The following DDX17 variants were observed in gnomAD, a reference collection of about 807,000 sequenced individuals.
DDX17 encodes probable ATP-dependent RNA helicase DDX17.
Under a neutral mutation model 80.8 loss-of-function variants are expected in DDX17, and 10 were observed. The observed-to-expected ratio is 0.12, with a 90% confidence interval of 0.08 to 0.21. The LOEUF is 0.21. DDX17 is among the 10% of genes least tolerant of loss of function. The pLI, the probability that DDX17 is intolerant of heterozygous loss-of-function variation, is 1.00. For missense variants in DDX17, 586 were observed against 957.4 expected (o/e 0.61, Z 5.12); for synonymous variants, 339 against 336.2 (o/e 1.01, Z -0.09).
Position 38,494,237 on chromosome 22 carries a change from C to T in DDX17, c.1215-106G>A, listed in dbSNP as rs140434419. The T allele has an allele frequency of 3.7e-4, 291 of 786,536 alleles. No homozygotes were observed. In the African/African-American group the frequency reaches 4.1e-3, roughly 11 times the overall value. 48.7% of individuals were successfully genotyped at this position (786,536 alleles called of 1,614,324 possible). A position where few individuals can be genotyped will look rare whatever the true frequency, so the allele number is the denominator to read the frequency against. ...GCTACAGTACTTTCTTTGCACATTA[C>T]GCTTTTAAAATTTTTAATAACTATT... On this transcript the variant is annotated intron_variant, in intron 8 of 12. Coordinates refer to ENST00000403230, the MANE Select transcript of DDX17 (RefSeq NM_006386.5).
In DDX17 at chr22:38,503,860, AAC is replaced by A. The variant is rs541231301; in HGVS notation, c.287+2089_287+2090del. Among the ~76,000 whole-genome samples the A allele has an allele frequency of 1.2e-3, 178 of 152,378 alleles. No homozygotes were observed. In the Middle Eastern group the frequency reaches 0.014, roughly 12 times the overall value. On this transcript the variant is annotated intron_variant, in intron 1 of 12. Coordinates refer to ENST00000403230, the MANE Select transcript of DDX17 (RefSeq NM_006386.5). ...CTTCAACTGTGTAACACTCAGTTGAAACAACAGCAATTCAAATAATCAAGAAC... is the reference window on the plus strand; with the variant it reads ...CTTCAACTGTGTAACACTCAGTTGAAAACAGCAATTCAAATAATCAAGAAC...
At chr22:38,487,737 G>C (rs1168763754) in intron 12 of DDX17, 142 bp downstream of exon 12, 3 of 787,480 alleles carry the variant, frequency 3.8e-6, no homozygotes, top group Middle Eastern at 3.8e-4. Context: ...GTTGAAAAAG[G>C]TTATAAAAAG....
intron 11 of DDX17, chr22:38,491,716 G>A (rs113380250): frequency 1.3e-5 from 3 of 236,608 alleles, no homozygotes; most frequent in African/African-American, 4.5e-5. Flanking sequence ...ATTCTATCCA[G>A]CCAGAAACCA....
intron 3 of DDX17, among the ~76,000 whole-genome samples, chr22:38,499,125 T>C (rs1477695227): frequency 6.6e-6 from 1 of 152,238 alleles, no homozygotes; most frequent in African/African-American, 2.4e-5. Flanking sequence ...ATTTATTGTT[T>C]AGCAAATTCA....
At chr22:38,496,413 T>C (rs2089768158) in intron 5 of DDX17, among the ~76,000 whole-genome samples, 1 of 152,186 alleles carries the variant, frequency 6.6e-6, no homozygotes, top group Non-Finnish European at 1.5e-5. Context: ...AGTGGTGCAA[T>C]GAAGGCTCAC....
chr22:38,486,562 A>G (rs1319165954), intron 12 of DDX17, 122 bp from the exon 13 acceptor site: 1 of 1,371,848 alleles, frequency 7.3e-7, no homozygotes, highest in African/African-American at 1.5e-5. Context: ...TATGCTGGCC[A>G]GCCTCCCAAT....
Position 38,501,265 on chromosome 22 carries a change from A to T in DDX17, c.303T>A (p.Gly101=), listed in dbSNP as rs751768043. ...ATTTCTTCGGGGGAAGGCCACCACC[A>T]CCTCTTGCTCCAAATCTAGGAACAG... The change falls in exon 2 of 13, where the codon GGT becomes GGA. Residue 101 remains glycine (G), a synonymous_variant. Coordinates refer to ENST00000403230, the MANE Select transcript of DDX17 (RefSeq NM_006386.5). 4 of 1,610,114 alleles carry T rather than the reference A, an allele frequency of 2.5e-6. No homozygotes were observed. Among genetic ancestry groups the T allele is most frequent in the African/African-American group, 1.3e-5 (1 of 74,712 alleles).
chr22:38,494,709 C>T lies in DDX17; in HGVS notation c.1135G>A (p.Val379Ile), dbSNP rs756532530. 3 of 1,614,198 alleles carry T rather than the reference C, an allele frequency of 1.9e-6. No individual in the cohort carries two copies. The highest frequency in any genetic ancestry group is 1.7e-6 in the Non-Finnish European group (2 of 1,180,028). The change falls in exon 8 of 13, where the codon GTA (valine) becomes ATA (isoleucine). Residue 379 changes from valine to isoleucine, a missense_variant. Physicochemically the swap from Val to Ile is conservative, Grantham distance 29. Around this residue, in one of 4 missense-constraint regions of DDX17, gnomAD observed 141 missense variants for 379.3 expected, o/e 0.37. Transcript: ENST00000403230. ...TTGGCACTCAACTCCAGATTGCCTA[C>T]GTTGATCTGGGTGTAATCACGAAGG... is the stretch of plus-strand genomic sequence containing the variant.
chr22:38,501,408 T>A, intron 1 of DDX17, 128 bp from the exon 2 acceptor site: 2 of 1,116,210 alleles, frequency 1.8e-6, no homozygotes, highest in Non-Finnish European at 2.4e-6. Context: ...GACCATTTTA[T>A]TTGCTGTGAT....
intron 2 of DDX17, 47 bp downstream of exon 2, chr22:38,501,083 C>T (rs371322205): frequency 1.3e-6 from 2 of 1,583,734 alleles, no homozygotes; most frequent in Non-Finnish European, 1.7e-6. Context: ...ACCAATATAT[C>T]TACTTGGTTC....
rs931347780 is a variant in DDX17 at position 38,489,538 on chromosome 22, TAAA to T, written c.1448-1426_1448-1424del. The T allele has an allele frequency of 5.6e-5, 55 of 978,756 alleles. No individual in the cohort carries two copies. Among genetic ancestry groups the T allele is most frequent in the Non-Finnish European group, 6.1e-5 (50 of 826,380 alleles). The allele number at this position is 978,756 out of a possible 1,614,324, so 60.6% of individuals were successfully genotyped here. ...GGTGATTGTAGAAAAAAATAATTAA[TAAA>T]AAAAAATGTAAGTTACATCCAAAGG... On this transcript the variant is annotated intron_variant, in intron 11 of 12. Coordinates refer to ENST00000403230, the MANE Select transcript of DDX17 (RefSeq NM_006386.5). This position sits in a 1 kb window ranked among gnomAD's most constrained non-coding sequence, Gnocchi z 4.6.
At chr22:38,488,159 G>A in intron 11 of DDX17, 44 bp from the exon 12 acceptor site, 1 of 1,612,408 alleles carries the variant, frequency 6.2e-7, no homozygotes, top group Non-Finnish European at 8.5e-7. Context: ...GATGTGGCAG[G>A]GAAAGAGAAG....
chr22:38,497,606 G>C (rs1199202650), intron 5 of DDX17, among the ~76,000 whole-genome samples: 1 of 86,834 alleles, frequency 1.2e-5, no homozygotes, highest in Non-Finnish European at 2.0e-5. Context: ...CAACAAGAGT[G>C]AGAATATATC....
At chr22:38,498,214 TA>T in intron 4 of DDX17, 64 bp from the exon 5 acceptor site, 1 of 1,557,150 alleles carries the variant, frequency 6.4e-7, no homozygotes, top group Non-Finnish European at 8.8e-7. Context: ...AGATACTTAG[TA>T]ATTACTGAAT....
intron 11 of DDX17, chr22:38,488,416 A>AG: frequency 3.2e-6 from 4 of 1,254,986 alleles, no homozygotes; most frequent in Non-Finnish European, 4.0e-6. Flanking sequence ...TACTGACAGG[A>AG]GTTACACCAA....
At chr22:38,490,490 G>A in intron 11 of DDX17, 1 of 1,260,450 alleles carries the variant, frequency 7.9e-7, no homozygotes, top group South Asian at 1.3e-5. Flanking sequence ...ACAGTGTGTA[G>A]TTCAAACAAA....
chr22:38,493,100 C>A (rs995311432), intron 10 of DDX17, among the ~76,000 whole-genome samples: 1 of 152,184 alleles, frequency 6.6e-6, no homozygotes, highest in Non-Finnish European at 1.5e-5. Flanking sequence ...ATTCAATCAA[C>A]TATACAACAG....
intron 1 of DDX17, among the ~76,000 whole-genome samples, chr22:38,503,146 A>G (rs919762651): frequency 6.6e-6 from 1 of 152,228 alleles, no homozygotes; most frequent in Non-Finnish European, 1.5e-5. Flanking sequence ...TACCCGTGTC[A>G]GCGACATATT....
chr22:38,501,972 A>G (rs570945427), intron 1 of DDX17, among the ~76,000 whole-genome samples: 26 of 152,392 alleles, frequency 1.7e-4, no homozygotes, highest in African/African-American at 5.8e-4. Flanking sequence ...ACTCCAAGCA[A>G]GTCCCTCAAT....
Sources: allele counts gnomAD v4.1 joint callset (sites outside exome capture counted in the v4.1 genomes callset), GRCh38; gene constraint gnomAD v4.1.1; regional missense constraint gnomAD v4.1.1; non-coding constraint Gnocchi (gnomAD v3.1); transcripts MANE v1.5; gene names NCBI Gene and HGNC (gene_info 2026-07-23, HGNC 2026-07-21).